The following HDAC9 variants were observed in gnomAD, a reference collection of about 807,000 sequenced individuals.
The protein encoded by HDAC9 is MEF-2 interacting transcription repressor (MITR) protein.
Under a neutral mutation model 139.4 loss-of-function variants are expected in HDAC9, and 41 were observed. The observed-to-expected ratio is 0.29, with a 90% CI of 0.23 to 0.38. HDAC9 has a LOEUF of 0.38. Among genes scored for constraint, HDAC9 ranks in the 10% least tolerant of loss-of-function variants. The probability of loss-of-function intolerance (pLI) is 1.00; values close to 1 mark genes in which losing one functional copy is unlikely to be tolerated. For synonymous variants in HDAC9, 517 were observed against 476.2 expected (o/e 1.09, Z -1.12); for missense variants, 1,147 against 1,297.0 (o/e 0.88, Z 1.78).
At position 18,990,441 on chromosome 7, in the gene HDAC9, C is replaced by T. The variant is rs1785797575; in HGVS notation, c.3171-5582C>T. Among the ~76,000 whole-genome samples, 6 of 152,250 alleles carry T rather than the reference C, an allele frequency of 3.9e-5. No homozygotes were observed. In the South Asian group the frequency reaches 1.2e-3, roughly 31 times the overall value. ...CAGCTGCGTGCTGGGAGAGCCACTGCTCTCTTCAATGCTGTCAGACAGGGA... is the reference window on the plus strand; with the variant it reads ...CAGCTGCGTGCTGGGAGAGCCACTGTTCTCTTCAATGCTGTCAGACAGGGA... On this transcript the variant is annotated intron_variant, in intron 25 of 25. Coordinates refer to ENST00000686413, the MANE Select transcript of HDAC9 (RefSeq NM_178425.4).
intron 2 of HDAC9, among the ~76,000 whole-genome samples, chr7:18,527,413 A>G (rs1586690547): frequency 6.6e-6 from 1 of 152,190 alleles, no homozygotes; most frequent in African/African-American, 2.4e-5. Flanking sequence ...AAAAAGTTTA[A>G]ACATTGAGAA....
intron 2 of HDAC9, among the ~76,000 whole-genome samples, chr7:18,169,634 C>T (rs938685151): frequency 1.3e-5 from 2 of 152,038 alleles, no homozygotes; most frequent in African/African-American, 2.4e-5. Context: ...CGACAGGCCC[C>T]GGTGTGTGAT....
chr7:18,275,389 C>G lies in HDAC9; in HGVS notation c.25+113040C>G, dbSNP rs998288353. Among the ~76,000 whole-genome samples the G allele has an allele frequency of 3.3e-5, 5 of 152,192 alleles. No individual in the cohort carries two copies. The South Asian group carries it at 1.0e-3, about 32-fold the overall frequency. ...TCACCCCAGAAACTCTTCCCAGCCC[C>G]ACCGTTTATTCTTAACACAGCTGCC... On this transcript the variant is annotated intron_variant, in intron 2 of 12. Coordinates refer to the HDAC9 transcript ENST00000417496.
chr7:18,769,247 C>A (rs775968260), intron 16 of HDAC9, among the ~76,000 whole-genome samples: 43 of 152,244 alleles, frequency 2.8e-4, no homozygotes, highest in Middle Eastern at 3.4e-3. Flanking sequence ...TGCTCTAAAC[C>A]CAAATTGACT....
chr7:18,271,391 T>C (rs1267317064), intron 2 of HDAC9, among the ~76,000 whole-genome samples: 1 of 152,158 alleles, frequency 6.6e-6, no homozygotes, highest in African/African-American at 2.4e-5. Flanking sequence ...TTTAGAAGGA[T>C]CCATAACTTA....
chr7:18,093,330 C>A (rs1190357205), intron 1 of HDAC9, among the ~76,000 whole-genome samples: 1 of 152,224 alleles, frequency 6.6e-6, no homozygotes, highest in East Asian at 1.9e-4. Context: ...AGTACACATC[C>A]CATACTCACA....
chr7:18,857,143 G>T (rs1159128541), intron 21 of HDAC9, among the ~76,000 whole-genome samples: 3 of 151,832 alleles, frequency 2.0e-5, no homozygotes, highest in African/African-American at 7.3e-5. Flanking sequence ...ACTAAAACAT[G>T]CTTTTCCTTT....
intron 2 of HDAC9, among the ~76,000 whole-genome samples, chr7:18,559,719 CT>C (rs1819999884): frequency 6.6e-6 from 1 of 152,182 alleles, no homozygotes; most frequent in African/African-American, 2.4e-5. Flanking sequence ...ACCTACTTTC[CT>C]GGGGTCTCAG....
chr7:18,988,949 ATG>A, intron 25 of HDAC9, among the ~76,000 whole-genome samples: 1 of 112,622 alleles, frequency 8.9e-6, no homozygotes, highest in African/African-American at 3.3e-5. Flanking sequence ...TTTTGAGCCT[ATG>A]TGTGTCTCTG....
intron 12 of HDAC9, among the ~76,000 whole-genome samples, chr7:18,671,426 C>T (rs151168243): frequency 1.8e-4 from 27 of 152,036 alleles, no homozygotes; most frequent in African/African-American, 6.5e-4. Context: ...TGGAGATGGC[C>T]AGGTGCCCTA....
At chr7:18,250,657 T>C (rs938202095) in intron 2 of HDAC9, among the ~76,000 whole-genome samples, 3 of 152,228 alleles carry the variant, frequency 2.0e-5, no homozygotes, top group Non-Finnish European at 2.9e-5. Flanking sequence ...TCAAAGCCTT[T>C]CTTGTATTAA....
chr7:18,923,189 C>A (rs1263622035), intron 22 of HDAC9, among the ~76,000 whole-genome samples: 2 of 152,028 alleles, frequency 1.3e-5, no homozygotes, highest in Non-Finnish European at 2.9e-5. Context: ...TAAAGTGCTA[C>A]TTTTTTTATC....
chr7:18,662,123 G>A (rs1407702696), intron 11 of HDAC9, among the ~76,000 whole-genome samples: 2 of 152,080 alleles, frequency 1.3e-5, no homozygotes, highest in African/African-American at 2.4e-5. Flanking sequence ...CACTCAGTTT[G>A]TCTGGTCTTT....
intron 1 of HDAC9, among the ~76,000 whole-genome samples, chr7:18,143,745 A>T (rs1786083479): frequency 6.6e-6 from 1 of 150,692 alleles, no homozygotes; most frequent in Non-Finnish European, 1.5e-5. Flanking sequence ...GTGAGCCACG[A>T]TCGCACCATT....
chr7:18,846,806 G>A (rs2129220281), intron 21 of HDAC9, among the ~76,000 whole-genome samples: 1 of 152,298 alleles, frequency 6.6e-6, no homozygotes, highest in East Asian at 1.9e-4. Context: ...CTGACTAGAG[G>A]CTTTCTCAAA....
At chr7:18,446,656 C>T (rs1008866535) in intron 1 of HDAC9, among the ~76,000 whole-genome samples, 1 of 151,904 alleles carries the variant, frequency 6.6e-6, no homozygotes, top group African/African-American at 2.4e-5. Flanking sequence ...TTTTTTTCAA[C>T]CTTTTTGCTA....
intron 1 of HDAC9, among the ~76,000 whole-genome samples, chr7:18,143,349 C>T (rs1042264994): frequency 2.0e-5 from 3 of 152,068 alleles, no homozygotes; most frequent in Non-Finnish European, 2.9e-5. Flanking sequence ...AAGCTCTATG[C>T]GTATGATGCT....
intron 6 of HDAC9, among the ~76,000 whole-genome samples, chr7:18,600,827 T>C (rs1833743974): frequency 6.6e-6 from 1 of 152,194 alleles, no homozygotes. Flanking sequence ...AATTTTGTTT[T>C]GTTTTGTTTT....
In HDAC9 at chr7:18,851,439, G is replaced by T. The variant is rs552165077; in HGVS notation, c.2684+15442G>T. On this transcript the variant is annotated intron_variant, in intron 21 of 25. Transcript: ENST00000686413. ...ATGAAGTGCCTTGCTTCTCCTTCGC[G>T]TTCCGCCATGATTGTAAGTTTCCTG... 4 of 152,594 alleles carry T rather than the reference G, an allele frequency of 2.6e-5. No individual in the cohort carries two copies. The East Asian group carries it at 5.8e-4, about 22-fold the overall frequency. The allele number at this position is 152,594 out of a possible 1,614,324, so 9.5% of individuals were successfully genotyped here. A position where few individuals can be genotyped will look rare whatever the true frequency, so the allele number is the denominator to read the frequency against.
Sources: gnomAD v4.1 joint callset for allele counts (sites outside exome capture counted in the v4.1 genomes callset) on GRCh38, gnomAD v4.1.1 for gene constraint, MANE v1.5 for transcripts, NCBI Gene and HGNC (gene_info 2026-07-23, HGNC 2026-07-21) for gene names.